Variants in CNTNAP2 observed in about 807,000 individuals in gnomAD.
The protein encoded by CNTNAP2 is contactin-associated protein-like 2.
Under a neutral mutation model 155.2 loss-of-function variants are expected in CNTNAP2, and 98 were observed. The observed-to-expected ratio is 0.63, with a 90% CI of 0.54 to 0.75. The LOEUF is 0.75. Ranked by LOEUF, CNTNAP2 falls within the 30% of genes least tolerant of loss-of-function variation. The pLI, the probability that CNTNAP2 is intolerant of heterozygous loss-of-function variation, is 0.00. For missense variants in CNTNAP2, 1,727 were observed against 1,688.1 expected (o/e 1.02, Z -0.40); for synonymous variants, 651 against 631.2 (o/e 1.03, Z -0.47).
intron 13 of CNTNAP2, among the ~76,000 whole-genome samples, chr7:147,873,919 A>T (rs1474618511): frequency 2.6e-5 from 4 of 152,206 alleles, no homozygotes; most frequent in Non-Finnish European, 1.5e-5. Context: ...TACAGGCTCC[A>T]TGCAAGTCCA....
intron 15 of CNTNAP2, among the ~76,000 whole-genome samples, chr7:148,039,376 A>G (rs1392783873): frequency 6.6e-6 from 1 of 152,158 alleles, no homozygotes; most frequent in Non-Finnish European, 1.5e-5. Flanking sequence ...ATGCCTGCCC[A>G]CATGAGGGAG....
chr7:146,684,348 C>T (rs946069221), intron 1 of CNTNAP2, among the ~76,000 whole-genome samples: 17 of 151,896 alleles, frequency 1.1e-4, no homozygotes, highest in African/African-American at 2.9e-4. Context: ...CAAAAATTCC[C>T]CTATTTATGT....
chr7:147,987,932 T>G (rs910851104), intron 15 of CNTNAP2, among the ~76,000 whole-genome samples: 6 of 152,150 alleles, frequency 3.9e-5, no homozygotes, highest in African/African-American at 1.4e-4. Flanking sequence ...TGACCTTAGA[T>G]GATCCACCCC....
chr7:147,950,544 T>C (rs547640760), intron 14 of CNTNAP2, among the ~76,000 whole-genome samples: 2 of 152,190 alleles, frequency 1.3e-5, no homozygotes, highest in East Asian at 3.9e-4. Flanking sequence ...CAGTTTCCAA[T>C]AGGAAAATAG....
In CNTNAP2 at chr7:147,352,312, C is replaced by T. The variant is rs557071282; in HGVS notation, c.1499-43297C>T. ...GTGTTCTATGTCAATTGTACTTAAACACTTTTGAGATATGGCAGAGGATCT... is the reference window on the plus strand; with the variant it reads ...GTGTTCTATGTCAATTGTACTTAAATACTTTTGAGATATGGCAGAGGATCT... On this transcript the variant is annotated intron_variant, in intron 9 of 23. Transcript: ENST00000361727. Among the ~76,000 whole-genome samples, 176 of 151,998 alleles carry T rather than the reference C, an allele frequency of 1.2e-3. 1 individual carries two copies. The highest frequency in any genetic ancestry group is 4.0e-3 in the African/African-American group (168 of 41,522).
At chr7:146,815,355 A>G (rs576896001) in intron 2 of CNTNAP2, among the ~76,000 whole-genome samples, 1 of 152,286 alleles carries the variant, frequency 6.6e-6, no homozygotes, top group Admixed American at 6.5e-5. Context: ...ACTCTAAATA[A>G]CTGTGTGATA....
At chr7:146,788,825 TTTTTGTTTTGTTTTG>T (rs372040102) in intron 2 of CNTNAP2, among the ~76,000 whole-genome samples, 1 of 152,022 alleles carries the variant, frequency 6.6e-6, no homozygotes, top group South Asian at 2.1e-4. Context: ...TCCACGTGTT[TTTTTGTTTTGTTTTG>T]TTTTGTTTTG....
At chr7:147,482,645 C>A (rs977023641) in intron 10 of CNTNAP2, among the ~76,000 whole-genome samples, 105 of 152,044 alleles carry the variant, frequency 6.9e-4, no homozygotes, top group African/African-American at 2.3e-3. Context: ...GGCGTGAACC[C>A]AGGAGGCAGA....
chr7:146,847,168 AATAAG>A (rs752996874), intron 3 of CNTNAP2, among the ~76,000 whole-genome samples: 6 of 152,158 alleles, frequency 3.9e-5, no homozygotes, highest in South Asian at 2.1e-4. Flanking sequence ...AAATAATTTG[AATAAG>A]ATATCAGTTC....
At chr7:147,082,006 C>T (rs954705936) in intron 4 of CNTNAP2, 36 of 152,042 alleles carry the variant, frequency 2.4e-4, no homozygotes, top group Non-Finnish European at 1.8e-4. Context: ...GTTTATAGAA[C>T]TGGAAGACTG....
intron 1 of CNTNAP2, among the ~76,000 whole-genome samples, chr7:146,582,995 G>A (rs557452845): frequency 1.3e-4 from 20 of 151,230 alleles, no homozygotes; most frequent in Admixed American, 4.0e-4. Flanking sequence ...GCAACACTAT[G>A]GCATTTTGTT....
intron 1 of CNTNAP2, among the ~76,000 whole-genome samples, chr7:146,718,035 T>C (rs928574273): frequency 1.6e-4 from 25 of 152,278 alleles, no homozygotes; most frequent in African/African-American, 5.8e-4. Context: ...AAACACATTT[T>C]AGGCAGCAGC....
At chr7:146,770,456 C>A (rs1392127395) in intron 1 of CNTNAP2, among the ~76,000 whole-genome samples, 1 of 151,566 alleles carries the variant, frequency 6.6e-6, no homozygotes, top group Admixed American at 6.6e-5. Flanking sequence ...GTAATTGTTG[C>A]ATTTTTTAGC....
At chr7:147,407,897 A>T (rs913410021) in intron 10 of CNTNAP2, among the ~76,000 whole-genome samples, 1 of 152,242 alleles carries the variant, frequency 6.6e-6, no homozygotes, top group Non-Finnish European at 1.5e-5. Flanking sequence ...GCAAAATCAG[A>T]GGCATGAGCA....
chr7:148,301,306 A>ATATAT (rs1554414674), intron 21 of CNTNAP2, among the ~76,000 whole-genome samples: 110 of 103,850 alleles, frequency 1.1e-3, no homozygotes, highest in South Asian at 1.4e-3. Flanking sequence ...AAAAAAAAAA[A>ATATAT]ATATATATAT....
intron 1 of CNTNAP2, among the ~76,000 whole-genome samples, chr7:146,514,138 T>A (rs1162691716): frequency 6.6e-6 from 1 of 152,030 alleles, no homozygotes; most frequent in African/African-American, 2.4e-5. Flanking sequence ...TTTGGTTATT[T>A]TCTCTTTCCA....
At chr7:147,966,177 G>T (rs1366166827) in intron 14 of CNTNAP2, among the ~76,000 whole-genome samples, 1 of 152,000 alleles carries the variant, frequency 6.6e-6, no homozygotes, top group Non-Finnish European at 1.5e-5. Context: ...TTTAGAAATG[G>T]CATCAAGAAG....
intron 13 of CNTNAP2, among the ~76,000 whole-genome samples, chr7:147,696,829 C>G (rs1026562783): frequency 1.3e-5 from 2 of 151,930 alleles, no homozygotes; most frequent in East Asian, 3.9e-4. Flanking sequence ...ATATTTAACT[C>G]TACTCTCTTC....
chr7:147,014,633 A>G (rs1381037212), intron 3 of CNTNAP2, among the ~76,000 whole-genome samples: 1 of 152,144 alleles, frequency 6.6e-6, no homozygotes. Flanking sequence ...TTGCTCACCA[A>G]CACCTCCCAC....
Sources: gnomAD v4.1 joint callset for allele counts (sites outside exome capture counted in the v4.1 genomes callset) on GRCh38, gnomAD v4.1.1 for gene constraint, MANE v1.5 for transcripts, NCBI Gene and HGNC (gene_info 2026-07-23, HGNC 2026-07-21) for gene names.